Variants in CNN1 observed in about 807,000 individuals in gnomAD.
CNN1 encodes the protein calponin 1.
CNN1 carries 21 observed loss-of-function variants against 35.3 expected under a neutral mutation model. The observed-to-expected ratio is 0.60, with a 90% CI of 0.42 to 0.86. The LOEUF (loss-of-function observed/expected upper bound fraction) is 0.86. Ranked by LOEUF, CNN1 falls within the 40% of genes least tolerant of loss-of-function variation. The pLI, the probability that CNN1 is intolerant of heterozygous loss-of-function variation, is 0.00. For missense variants in CNN1, 314 were observed against 400.8 expected, an observed-to-expected ratio of 0.78 and a Z score of 1.85; for synonymous variants, 164 against 161.8, an observed-to-expected ratio of 1.01 and a Z score of -0.10.
Position 11,542,608 on chromosome 19 carries a change from C to CT in CNN1, c.185+1414dup, listed in dbSNP as rs200105437. 7.6e-3 allele frequency among the ~76,000 whole-genome samples: 1,141 copies of CT among 150,120 alleles called. 18 individuals are homozygous for CT. The highest frequency in any genetic ancestry group is 0.071 in the East Asian group (356 of 5,036). On this transcript the variant is annotated intron_variant, in intron 2 of 6. Transcript: ENST00000252456. Reference sequence around the variant, plus strand: ...TTTTTTTTTTTCAGATGGAATCTTGCTTTGTGACCCAGGCTGGAGTGCAGT... The same window carrying CT: ...TTTTTTTTTTTCAGATGGAATCTTGCTTTTGTGACCCAGGCTGGAGTGCAGT...
In CNN1 at chr19:11,546,978, G is replaced by A; in HGVS notation, c.390+9G>A. 1.2e-6 allele frequency: 2 copies of A among 1,614,088 alleles called. No individual in the cohort carries two copies. Among genetic ancestry groups the A allele is most frequent in the South Asian group, 1.1e-5 (1 of 91,080 alleles). ...TGGCTTTGGCCAGCATGGTGAGTGT[G>A]GTTGCAGGCTGGGCAGGGGGTGGTG... On this transcript the variant is annotated intron_variant, in intron 4 of 6. Transcript: ENST00000252456.
intron 3 of CNN1, 39 bp from the exon 4 acceptor site, chr19:11,546,793 C>T: frequency 6.2e-7 from 1 of 1,613,952 alleles, no homozygotes. Flanking sequence ...CCTCAGACCT[C>T]CCCTCCCCAC....
chr19:11,541,112 C>T lies in CNN1; in HGVS notation c.100C>T (p.Leu34=), dbSNP rs1246015200. The change falls in exon 2 of 7, where the codon CTG becomes TTG. Residue 34 remains leucine (L), a synonymous_variant. Coordinates refer to ENST00000252456, the MANE Select transcript of CNN1 (RefSeq NM_001299.6). ...GTATGACCACCAGCGGGAGCAGGAG[C>T]TGAGAGAGTGGATCGAGGGGGTGAC... ...QKYDHQREQE[L]REWIEGVTGR... is the part of the protein sequence containing the mutation. 2.5e-6 allele frequency: 4 copies of T among 1,611,562 alleles called. No homozygotes were observed. Among genetic ancestry groups the T allele is most frequent in the Non-Finnish European group, 2.5e-6 (3 of 1,178,714 alleles).
chr19:11,539,068 C>G (rs1972401808), intron 1 of CNN1, 78 bp downstream of exon 1: 1 of 1,292,972 alleles, frequency 7.7e-7, no homozygotes, highest in Non-Finnish European at 1.0e-6. Context: ...CCCTTGAACC[C>G]CCTCCTGCCT....
At chr19:11,547,102 C>T (rs1972606094) in intron 4 of CNN1, 133 bp downstream of exon 4, 1 of 1,368,248 alleles carries the variant, frequency 7.3e-7, no homozygotes, top group Non-Finnish European at 1.0e-6. Context: ...GTGCTGTCAA[C>T]AGCGTCCAAG....
intron 1 of CNN1, 171 bp downstream of exon 1, chr19:11,539,161 GC>G (rs1972404184): frequency 1.8e-6 from 2 of 1,110,502 alleles, no homozygotes; most frequent in Non-Finnish European, 1.2e-6. Flanking sequence ...ACATCCCGGA[GC>G]CCCCAGCTAT....
At position 11,549,610 on chromosome 19, in the gene CNN1, C is replaced by T; in HGVS notation, c.709C>T (p.His237Tyr). 2 of 1,610,154 alleles carry T rather than the reference C, an allele frequency of 1.2e-6. 1 individual carries two copies. The highest frequency in any genetic ancestry group is 2.2e-5 in the South Asian group (2 of 90,774). ...QIFEPGLGME[H>Y]CDTLNVSLQM... Reference sequence around the variant, plus strand: ...CTTCGAGCCGGGGCTGGGCATGGAGCACTGCGACACGCTCAATGTCAGCCT... The same window carrying T: ...CTTCGAGCCGGGGCTGGGCATGGAGTACTGCGACACGCTCAATGTCAGCCT... The change falls in exon 7 of 7, where the codon CAC becomes TAC. Residue 237 changes from histidine (H) to tyrosine (Y), a missense_variant. Coordinates refer to ENST00000252456, the MANE Select transcript of CNN1 (RefSeq NM_001299.6). The surrounding 1 kb of genome is among the most constrained non-coding windows in gnomAD (Gnocchi z 5.2).
Position 11,549,762 on chromosome 19 carries a change from C to T in CNN1, c.861C>T (p.Asn287=). 6.2e-7 allele frequency: 1 copy of T among 1,613,350 alleles called. No homozygotes were observed. The highest frequency in any genetic ancestry group is 8.5e-7 in the Non-Finnish European group (1 of 1,179,564). Reference sequence around the variant, plus strand: ...CAGAGCTGGGTGAGCCCGCCCACAACCACCACGCACACAACTACTACAATT... The same window carrying T: ...CAGAGCTGGGTGAGCCCGCCCACAATCACCACGCACACAACTACTACAATT... The part of the protein sequence containing the change: ...EYPELGEPAH[N]HHAHNYYNSA The change falls in exon 7 of 7, where the codon AAC becomes AAT. Residue 287 remains asparagine, a synonymous_variant. Coordinates refer to ENST00000252456, the MANE Select transcript of CNN1 (RefSeq NM_001299.6). This position sits in a 1 kb window ranked among gnomAD's most constrained non-coding sequence, Gnocchi z 5.2.
chr19:11,539,052 T>TG, intron 1 of CNN1, 62 bp downstream of exon 1: 1 of 1,405,890 alleles, frequency 7.1e-7, no homozygotes, highest in Non-Finnish European at 9.5e-7. Context: ...GCCCTGAGCT[T>TG]GGGGTCCCTT....
In CNN1 at chr19:11,549,695, G is replaced by A. The variant is rs777163784; in HGVS notation, c.794G>A (p.Arg265His). The A allele has an allele frequency of 6.2e-6, 10 of 1,614,104 alleles. No homozygotes were observed. In the South Asian group the frequency reaches 8.8e-5, roughly 14 times the overall value. Residue 265 changes from arginine (R) to histidine (H), a missense_variant, in exon 7 of 7, where the codon CGC becomes CAC. Physicochemically the swap from Arg to His is conservative, Grantham distance 29 (BLOSUM62 0). Coordinates refer to ENST00000252456, the MANE Select transcript of CNN1 (RefSeq NM_001299.6). This position sits in a 1 kb window ranked among gnomAD's most constrained non-coding sequence, Gnocchi z 5.2. ...GGCATGACGGTGTATGGGCTGCCAC[G>A]CCAGGTCTACGACCCCAAGTACTGT... Reference protein sequence around the residue: ...QRGMTVYGLPRQVYDPKYCLT... With the variant: ...QRGMTVYGLPHQVYDPKYCLT...
rs989903745 is a variant in CNN1, at chr19:11,549,259, C to T, written c.502-64C>T. ...GCGGCGCCTCATCCTCTCCCATCAG[C>T]TATGCCTCATGGCCCATGATGAGGT... On this transcript the variant is annotated intron_variant, in intron 5 of 6. Transcript: ENST00000252456. The surrounding 1 kb of genome is among the most constrained non-coding windows in gnomAD (Gnocchi z 5.2). 6.4e-7 allele frequency: 1 copy of T among 1,563,944 alleles called. No homozygotes were observed. Among genetic ancestry groups the T allele is most frequent in the African/African-American group, 1.4e-5 (1 of 73,796 alleles).
intron 1 of CNN1, 56 bp from the exon 2 acceptor site, chr19:11,541,020 G>T: frequency 6.6e-7 from 1 of 1,522,054 alleles, no homozygotes; most frequent in South Asian, 1.2e-5. Flanking sequence ...AGCCCAGGCT[G>T]CCCCCAATGC....
In CNN1 at chr19:11,546,526, G is replaced by A. The variant is rs1972587198; in HGVS notation, c.186-149G>A. On this transcript the variant is annotated intron_variant, in intron 2 of 6. Transcript: ENST00000252456. ...AATTTTTGTATTTTTAGTAGAGATG[G>A]GGTTTCACCATGTTGGCCAGGATAG... The A allele has an allele frequency of 5.4e-6, 4 of 742,856 alleles. No homozygotes were observed. The Admixed American group carries it at 7.0e-5, about 13-fold the overall frequency. 46.0% of individuals were successfully genotyped at this position (742,856 alleles called of 1,614,324 possible).
intron 2 of CNN1, among the ~76,000 whole-genome samples, chr19:11,545,971 G>T (rs1174543972): frequency 7.1e-6 from 1 of 140,698 alleles, no homozygotes; most frequent in Non-Finnish European, 1.6e-5. Context: ...GCATCAAAAA[G>T]AAAAAAAAAA....
At chr19:11,547,096 T>A (rs1391651111) in intron 4 of CNN1, 127 bp downstream of exon 4, 3 of 1,395,704 alleles carry the variant, frequency 2.1e-6, no homozygotes, top group Non-Finnish European at 9.9e-7. Context: ...GAGCAGGTGC[T>A]GTCAACAGCG....
At position 11,547,813 on chromosome 19, in the gene CNN1, A is replaced by G. The variant is rs1395683769; in HGVS notation, c.407A>G (p.Asn136Ser). 1 of 1,613,976 alleles carries G rather than the reference A, an allele frequency of 6.2e-7. No individual in the cohort carries two copies. The highest frequency in any genetic ancestry group is 1.7e-5 in the Admixed American group (1 of 59,992). Residue 136 changes from asparagine to serine, a missense_variant, in exon 5 of 7, where the codon AAC becomes AGC. Asn to Ser is a conservative substitution (Grantham distance 46, BLOSUM62 1). Coordinates refer to ENST00000252456, the MANE Select transcript of CNN1 (RefSeq NM_001299.6). Reference protein sequence around the residue: ...ALASMAKTKGNKVNVGVKYAE... With the variant: ...ALASMAKTKGSKVNVGVKYAE... ...CCCACCTAGGCGAAGACGAAAGGAA[A>G]CAAGGTGAACGTGGGAGTGAAGTAC...
Position 11,549,287 on chromosome 19 carries a change from G to C in CNN1, c.502-36G>C, listed in dbSNP as rs751996872. 1.9e-6 allele frequency: 3 copies of C among 1,612,326 alleles called. No homozygotes were observed. Among genetic ancestry groups the C allele is most frequent in the Non-Finnish European group, 2.5e-6 (3 of 1,178,592 alleles). On this transcript the variant is annotated intron_variant, in intron 5 of 6. Transcript: ENST00000252456. The surrounding 1 kb of genome is among the most constrained non-coding windows in gnomAD (Gnocchi z 5.2). ...TGCCTCATGGCCCATGATGAGGTCTGTAATTATTGGTGTGATTCTCCTTCT... is the reference window on the plus strand; with the variant it reads ...TGCCTCATGGCCCATGATGAGGTCTCTAATTATTGGTGTGATTCTCCTTCT...
rs114153075 is a variant in CNN1 at position 11,549,238 on chromosome 19, C to T, written c.502-85C>T. 3.7e-4 allele frequency: 502 copies of T among 1,368,364 alleles called. 3 individuals are homozygous for T. In the African/African-American group the frequency reaches 6.1e-3, roughly 17 times the overall value. 84.8% of individuals were successfully genotyped at this position (1,368,364 alleles called of 1,614,324 possible). A position where few individuals can be genotyped will look rare whatever the true frequency, so the allele number is the denominator to read the frequency against. ...AAAATTGAAAAAAATGATAAAGCGG[C>T]GCCTCATCCTCTCCCATCAGCTATG... On this transcript the variant is annotated intron_variant, in intron 5 of 6. Coordinates refer to ENST00000252456, the MANE Select transcript of CNN1 (RefSeq NM_001299.6). This position sits in a 1 kb window ranked among gnomAD's most constrained non-coding sequence, Gnocchi z 5.2.
intron 2 of CNN1, among the ~76,000 whole-genome samples, chr19:11,543,820 C>T (rs990886676): frequency 2.0e-5 from 3 of 147,472 alleles, no homozygotes; most frequent in East Asian, 2.0e-4. Context: ...ATGTAAATGA[C>T]GAGTTGATGG....
Sources: gnomAD v4.1 joint callset for allele counts (sites outside exome capture counted in the v4.1 genomes callset) on GRCh38, gnomAD v4.1.1 for gene constraint, Gnocchi (gnomAD v3.1) non-coding constraint, MANE v1.5 for transcripts, NCBI Gene and HGNC (gene_info 2026-07-23, HGNC 2026-07-21) for gene names.